SULF2: variants seen among roughly 807,000 people sequenced by gnomAD.
SULF2 encodes sulfatase 2, also known as extracellular sulfatase Sulf-2.
A neutral mutation model predicts 107.7 loss-of-function variants in SULF2; 52 were observed. The ratio of observed to expected loss-of-function variants is 0.48; its 90% CI spans 0.39 to 0.61. The LOEUF is 0.61. Ranked by LOEUF, SULF2 falls within the 20% of genes least tolerant of loss-of-function variation. SULF2 has a pLI of 0.00. For missense variants in SULF2, 993 were observed against 1,177.3 expected (o/e 0.84, Z 2.29); for synonymous variants, 460 against 464.3 (o/e 0.99, Z 0.12).
chr20:47,774,378 G>C (rs1231000250), intron 1 of SULF2, among the ~76,000 whole-genome samples: 2 of 152,228 alleles, frequency 1.3e-5, no homozygotes, highest in African/African-American at 4.8e-5. Flanking sequence ...GGCGGGGTCT[G>C]GGAGGAGGGA....
intron 2 of SULF2, among the ~76,000 whole-genome samples, chr20:47,746,871 A>T (rs1446676780): frequency 6.6e-6 from 1 of 151,814 alleles, no homozygotes; most frequent in Non-Finnish European, 1.5e-5. Context: ...GCATTAGGAG[A>T]TATACCTAAT....
In SULF2 at chr20:47,666,828, C is replaced by T. The variant is rs138669659; in HGVS notation, c.1577-340G>A. ...GAACCAGGAGCGAGGTTCTGATTCA[C>T]GCTAGAGCGTGGATGAATGTCAAAA... On this transcript the variant is annotated intron_variant, in intron 11 of 20. Transcript: ENST00000688720. This position sits in a 1 kb window ranked among gnomAD's most constrained non-coding sequence, Gnocchi z 5.4. Among the ~76,000 whole-genome samples the T allele has an allele frequency of 1.3e-5, 2 of 152,322 alleles. No homozygotes were observed. Among genetic ancestry groups the T allele is most frequent in the East Asian group, 1.9e-4 (1 of 5,182 alleles).
chr20:47,741,374 C>T (rs1456183324), intron 2 of SULF2, among the ~76,000 whole-genome samples: 1 of 152,088 alleles, frequency 6.6e-6, no homozygotes, highest in Non-Finnish European at 1.5e-5. Context: ...GACCTCTCCC[C>T]CGGAGCCCCG....
chr20:47,771,080 G>A (rs2090621015), intron 1 of SULF2, among the ~76,000 whole-genome samples: 1 of 152,200 alleles, frequency 6.6e-6, no homozygotes, highest in South Asian at 2.1e-4. Context: ...GGTCACAGAG[G>A]CTGGCCAGGC....
At chr20:47,757,530 T>A in intron 1 of SULF2, 67 bp from the exon 2 acceptor site, 1 of 767,866 alleles carries the variant, frequency 1.3e-6, no homozygotes. Flanking sequence ...TCTTGCATAA[T>A]GATTTGTATG....
chr20:47,704,540 T>C (rs1476761559), intron 3 of SULF2, among the ~76,000 whole-genome samples: 1 of 152,180 alleles, frequency 6.6e-6, no homozygotes, highest in African/African-American at 2.4e-5. Flanking sequence ...CCCAAGGTGC[T>C]GAGATGACAG....
In SULF2 at chr20:47,663,474, G is replaced by T. The variant is rs1177481235; in HGVS notation, c.2206C>A (p.Gln736Lys). 1.2e-6 allele frequency: 2 copies of T among 1,610,208 alleles called. No homozygotes were observed. The highest frequency in any genetic ancestry group is 1.7e-6 in the Non-Finnish European group (2 of 1,180,006). Residue 736 changes from glutamine to lysine, a missense_variant, in exon 16 of 21, where the codon CAG becomes AAG. Transcript: ENST00000688720. ...TCFTHDNQHWQTAPFWTLGPF... is the reference protein window; with the variant it reads ...TCFTHDNQHWKTAPFWTLGPF... ...TCACGTGTCCAGAAAGGCGCCGTCT[G>T]CCAGTGCTGGTTGTCGTGGGTGAAG...
intron 2 of SULF2, among the ~76,000 whole-genome samples, chr20:47,755,232 T>C (rs2090253829): frequency 6.6e-6 from 1 of 152,210 alleles, no homozygotes; most frequent in Admixed American, 6.5e-5. Context: ...AATCTCTGTA[T>C]TTTAAGTCAG....
chr20:47,739,951 C>G (rs1013874112), intron 2 of SULF2, among the ~76,000 whole-genome samples: 1 of 152,190 alleles, frequency 6.6e-6, no homozygotes, highest in Non-Finnish European at 1.5e-5. Context: ...CACACTCCCC[C>G]GTGCTCCCTA....
chr20:47,687,145 C>T (rs980099866), intron 5 of SULF2, among the ~76,000 whole-genome samples: 4 of 152,196 alleles, frequency 2.6e-5, no homozygotes, highest in Admixed American at 1.3e-4. Context: ...CATCGGCCCT[C>T]GAGAACAGTG....
intron 1 of SULF2, among the ~76,000 whole-genome samples, chr20:47,769,990 C>T (rs898607558): frequency 5.0e-5 from 7 of 140,896 alleles, no homozygotes; most frequent in African/African-American, 8.0e-5. Context: ...GCACGCATGG[C>T]GGCACGGAGC....
rs199947058 is a variant in SULF2, at chr20:47,759,694, AAAC to A, written c.-100-2234_-100-2232del. 4.4e-4 allele frequency among the ~76,000 whole-genome samples: 67 copies of A among 152,186 alleles called. 1 individual carries two copies. The Middle Eastern group carries it at 0.01, about 23-fold the overall frequency. Reference sequence around the variant, plus strand: ...GTGACAGAGTGAGACTCCGTCTCAAAAACAACAACAACAACAACAAACTCCTGC... The same window carrying A: ...GTGACAGAGTGAGACTCCGTCTCAAAAACAACAACAACAACAAACTCCTGC... On this transcript the variant is annotated intron_variant, in intron 1 of 20. Transcript: ENST00000688720.
intron 1 of SULF2, among the ~76,000 whole-genome samples, chr20:47,763,740 A>G (rs1205415471): frequency 6.6e-6 from 1 of 152,172 alleles, no homozygotes; most frequent in African/African-American, 2.4e-5. Context: ...TATGAGGCAC[A>G]GTGTTCAGTG....
At position 47,785,454 on chromosome 20, in the gene SULF2, C is replaced by CCGCCGCCGCTGCCGCTGCT. The variant is rs1568941808; in HGVS notation, c.-213_-212insAGCAGCGGCAGCGGCGGCG. The CCGCCGCCGCTGCCGCTGCT allele has an allele frequency of 5.9e-5, 9 of 153,296 alleles. No individual in the cohort carries two copies. The highest frequency in any genetic ancestry group is 2.3e-4 in the African/African-American group (9 of 38,780). The allele number at this position is 153,296 out of a possible 1,614,324, so 9.5% of individuals were successfully genotyped here. A position where few individuals can be genotyped will look rare whatever the true frequency, so the allele number is the denominator to read the frequency against. ...GACTCCGCGCCGCCGCTGCCGCTGC[C>CCGCCGCCGCTGCCGCTGCT]GCCGCCGCCGCCGCCGCTGCCGCTG... On this transcript the variant is annotated 5_prime_UTR_variant, in exon 1 of 21. Transcript: ENST00000688720.
At chr20:47,776,155 G>C (rs8118142) in intron 1 of SULF2, among the ~76,000 whole-genome samples, 33,545 of 152,204 alleles carry the variant, frequency 0.22, 4,738 homozygotes, top group African/African-American at 0.4. Context: ...GGTTCACAAT[G>C]TCAGGCTATA....
chr20:47,659,337 G>C, intron 20 of SULF2, 62 bp downstream of exon 20: 1 of 1,453,674 alleles, frequency 6.9e-7, no homozygotes, highest in Admixed American at 1.7e-5. Flanking sequence ...AAATAGAATA[G>C]CATTGGCAAA....
intron 3 of SULF2, among the ~76,000 whole-genome samples, chr20:47,716,662 T>TA (rs2089132045): frequency 6.6e-6 from 1 of 152,172 alleles, no homozygotes; most frequent in South Asian, 2.1e-4. Context: ...TCTGCTGAGA[T>TA]ATATTGTTTT....
chr20:47,725,883 G>A (rs73313997), intron 3 of SULF2, among the ~76,000 whole-genome samples: 10 of 152,192 alleles, frequency 6.6e-5, no homozygotes, highest in African/African-American at 1.9e-4. Flanking sequence ...CCTGCGACAC[G>A]GATGGATTCC....
chr20:47,778,134 C>T (rs2122691219), intron 1 of SULF2, among the ~76,000 whole-genome samples: 1 of 152,312 alleles, frequency 6.6e-6, no homozygotes, highest in African/African-American at 2.4e-5. Context: ...GTGCAAGACC[C>T]TGTCTCAAAA....
Sources: gnomAD v4.1 joint callset for allele counts (sites outside exome capture counted in the v4.1 genomes callset) on GRCh38, gnomAD v4.1.1 for gene constraint, Gnocchi (gnomAD v3.1) non-coding constraint, MANE v1.5 for transcripts, NCBI Gene and HGNC (gene_info 2026-07-23, HGNC 2026-07-21) for gene names.